The following WDR90 variants were observed in gnomAD, a reference collection of about 807,000 sequenced individuals.
The protein encoded by WDR90 is WD repeat domain 90.
A neutral mutation model predicts 195.2 loss-of-function variants in WDR90; 238 were observed. The observed-to-expected ratio is 1.22, with a 90% CI of 1.10 to 1.36. The LOEUF (loss-of-function observed/expected upper bound fraction) is 1.36, where lower values mean the gene tolerates loss of function less well. Among genes scored for constraint, WDR90 ranks in the 40% most tolerant of loss-of-function variants. The probability of loss-of-function intolerance (pLI) is 0.00; values close to 1 mark genes in which losing one functional copy is unlikely to be tolerated. For missense variants in WDR90, 2,734 were observed against 2,439.5 expected (o/e 1.12, Z -2.54); for synonymous variants, 1,265 against 1,052.4 (o/e 1.20, Z -3.91).
rs1194591365 is a variant in WDR90 at position 655,859 on chromosome 16, C to T, written c.1936C>T (p.Leu646=). ...SEDGFLRLWP[L]DFSSVLLEAE... The stretch of plus-strand genomic sequence containing the variant: ...GGACGGCTTCTTGCGGCTCTGGCCC[C>T]TGGACTTCTCCTCGGTGCTCCTGGA... Residue 646 remains leucine, a synonymous_variant, in exon 17 of 41, where the codon CTG becomes TTG. Coordinates refer to ENST00000293879, the MANE Select transcript of WDR90 (RefSeq NM_145294.5). The T allele has an allele frequency of 1.9e-6, 3 of 1,598,942 alleles. No homozygotes were observed. The highest frequency in any genetic ancestry group is 2.6e-6 in the Non-Finnish European group (3 of 1,175,282).
intron 34 of WDR90, 152 bp downstream of exon 34, chr16:662,996 G>T (rs983056155): frequency 8.4e-7 from 1 of 1,188,174 alleles, no homozygotes; most frequent in Admixed American, 2.0e-5. Context: ...GGAAGTCTTG[G>T]GTGTGCACGT....
At chr16:651,142 TG>T in intron 6 of WDR90, 39 bp downstream of exon 6, 1 of 1,178,980 alleles carries the variant, frequency 8.5e-7, no homozygotes, top group Non-Finnish European at 1.2e-6. Flanking sequence ...GCCTCGGTGG[TG>T]GGAGGGTGGG....
At chr16:649,364 T>C, upstream of WDR90, 3 of 1,326,476 alleles carry the variant, frequency 2.3e-6, no homozygotes, top group South Asian at 1.9e-5. Flanking sequence ...TCGCGGGGCG[T>C]ACTCTGCGCT....
chr16:657,209 C>A lies in WDR90; in HGVS notation c.2461C>A (p.Leu821Ile), dbSNP rs758390758. Reference protein sequence around the residue: ...YSCADPQWHVLRVAADMVCPD... With the variant: ...YSCADPQWHVIRVAADMVCPD... Reference sequence around the variant, plus strand: ...CTGTGCGGACCCCCAGTGGCATGTCCTCCGAGTGGCAGGTTGGGCCCCCTG... The same window carrying A: ...CTGTGCGGACCCCCAGTGGCATGTCATCCGAGTGGCAGGTTGGGCCCCCTG... Residue 821 changes from leucine to isoleucine, a missense_variant, in exon 20 of 41, where the codon CTC (leucine) becomes ATC (isoleucine). Transcript: ENST00000293879. 7 of 1,548,974 alleles carry A rather than the reference C, an allele frequency of 4.5e-6. No individual in the cohort carries two copies. The highest frequency in any genetic ancestry group is 6.1e-6 in the Non-Finnish European group (7 of 1,145,954).
chr16:652,015 C>G lies in WDR90; in HGVS notation c.1029C>G (p.Pro343=), dbSNP rs139328138. Residue 343 remains proline, a synonymous_variant, in exon 9 of 41, where the codon CCC becomes CCG. Transcript: ENST00000293879. ...HVLTHESAEV[P]VARTGSCEGF... ...TGACTCACGAGTCGGCTGAGGTGCC[C>G]GTGGCCCGCACCGGCTCCTGCGAAG... The G allele has an allele frequency of 6.2e-7, 1 of 1,600,798 alleles. No individual in the cohort carries two copies. The highest frequency in any genetic ancestry group is 8.5e-7 in the Non-Finnish European group (1 of 1,175,386).
At chr16:655,198 G>A (rs1039317861) in intron 14 of WDR90, 51 bp downstream of exon 14, 4 of 1,611,898 alleles carry the variant, frequency 2.5e-6, no homozygotes, top group Admixed American at 1.7e-5. Flanking sequence ...GGCCCGGAGT[G>A]GGGGCCGAGG....
rs770932716 is a variant in WDR90, at chr16:658,302, A to C, written c.2724A>C (p.Arg908Ser). ...TGCTGGTGTCCACCTCGTCCAACAGAGTCGTGGTGCTGGATGCTGTGTCGG... is the reference window on the plus strand; with the variant it reads ...TGCTGGTGTCCACCTCGTCCAACAGCGTCGTGGTGCTGGATGCTGTGTCGG... ...GHLLVSTSSN[R>S]VVVLDAVSGR... The change falls in exon 22 of 41, where the codon AGA (arginine) becomes AGC (serine). Residue 908 changes from arginine (R) to serine (S), a missense_variant. Arg to Ser is a moderately radical substitution (Grantham distance 110, BLOSUM62 -1). Coordinates refer to ENST00000293879, the MANE Select transcript of WDR90 (RefSeq NM_145294.5). 23 of 1,612,420 alleles carry C rather than the reference A, an allele frequency of 1.4e-5. No individual in the cohort carries two copies. The highest frequency in any genetic ancestry group is 1.9e-5 in the Non-Finnish European group (23 of 1,179,870).
rs960118817 is a variant in WDR90 at position 650,965 on chromosome 16, C to T, written c.560-30C>T. 28 of 1,609,842 alleles carry T rather than the reference C, an allele frequency of 1.7e-5. No individual in the cohort carries two copies. The African/African-American group carries it at 3.1e-4, about 18-fold the overall frequency. ...GTGTTCAGGTGGCTAAACAGCCTCCCTTGACCTGGAACAACCCTGCTCCTT... is the reference window on the plus strand; with the variant it reads ...GTGTTCAGGTGGCTAAACAGCCTCCTTTGACCTGGAACAACCCTGCTCCTT... On this transcript the variant is annotated intron_variant, in intron 5 of 40. Coordinates refer to ENST00000293879, the MANE Select transcript of WDR90 (RefSeq NM_145294.5).
intron 5 of WDR90, 74 bp from the exon 6 acceptor site, chr16:650,921 G>T: frequency 1.9e-6 from 3 of 1,559,544 alleles, no homozygotes; most frequent in Non-Finnish European, 2.6e-6. Context: ...TGGCGTGGCA[G>T]TGCCTTGGCG....
chr16:655,186 T>G (rs1389826241), intron 14 of WDR90, 39 bp downstream of exon 14: 2 of 1,612,254 alleles, frequency 1.2e-6, no homozygotes, highest in Non-Finnish European at 8.5e-7. Flanking sequence ...GGAGAGGGTC[T>G]GGGCCCGGAG....
rs770183479 is a variant in WDR90, at chr16:661,007, CCCCCCCCCG to C, written c.3392-43_3392-35del. ...CTCCCCAGGCCCCTCCCCGCCCCCC[CCCCCCCCCG>C]GCCCGGCCTCAGGCCCCGCCCTCTC... On this transcript the variant is annotated intron_variant, in intron 28 of 40. Transcript: ENST00000293879. 138 of 137,666 alleles carry C rather than the reference CCCCCCCCCG, an allele frequency of 1.0e-3. 14 individuals carry two copies. The highest frequency in any genetic ancestry group is 3.4e-3 in the East Asian group (10 of 2,934). 8.5% of individuals were successfully genotyped at this position (137,666 alleles called of 1,614,324 possible). A position where few individuals can be genotyped will look rare whatever the true frequency, so the allele number is the denominator to read the frequency against.
chr16:649,721 G>C, intron 1 of WDR90, 42 bp from the exon 2 acceptor site: 1 of 1,530,462 alleles, frequency 6.5e-7, no homozygotes, highest in Non-Finnish European at 8.8e-7. Flanking sequence ...GCCCCGGCTC[G>C]CGTGGCCGAG....
chr16:659,602 C>A (rs1298830467), intron 26 of WDR90, among the ~76,000 whole-genome samples: 1 of 152,186 alleles, frequency 6.6e-6, no homozygotes, highest in South Asian at 2.1e-4. Flanking sequence ...TTCCTCTCCC[C>A]CTTGGCCCCA....
At chr16:665,592 G>C (rs765386925) in intron 34 of WDR90, 87 bp from the exon 35 acceptor site, 1 of 1,602,786 alleles carries the variant, frequency 6.2e-7, no homozygotes, top group Non-Finnish European at 8.5e-7. Flanking sequence ...TGGACAGCCC[G>C]GCCCTGGGGG....
Position 662,302 on chromosome 16 carries a change from G to A in WDR90, c.4116G>A (p.Ser1372=), listed in dbSNP as rs775936202. 18 of 1,575,352 alleles carry A rather than the reference G, an allele frequency of 1.1e-5. No individual in the cohort carries two copies. The highest frequency in any genetic ancestry group is 2.3e-5 in the East Asian group (1 of 43,090). Residue 1372 remains serine (S), a synonymous_variant, in exon 33 of 41, where the codon TCG becomes TCA. Coordinates refer to ENST00000293879, the MANE Select transcript of WDR90 (RefSeq NM_145294.5). ...RLRLWAVGAV[S]ELRCKGSGAS... Reference sequence around the variant, plus strand: ...GCCTGTGGGCCGTGGGGGCTGTGTCGGAGCTGAGGTGCAAGGGCTCAGGCG... The same window carrying A: ...GCCTGTGGGCCGTGGGGGCTGTGTCAGAGCTGAGGTGCAAGGGCTCAGGCG...
In WDR90 at chr16:666,535, C is replaced by T. The variant is rs1313311909; in HGVS notation, c.4821C>T (p.Asp1607=). The T allele has an allele frequency of 6.2e-7, 1 of 1,612,660 alleles. No homozygotes were observed. Among genetic ancestry groups the T allele is most frequent in the Non-Finnish European group, 8.5e-7 (1 of 1,179,984 alleles). ...GDQRVSVWAS[D]WLRNHCELVD... ...AGCGGGTCAGCGTCTGGGCCTCCGA[C>T]TGGCTGCGGAACCACTGTGAGCTTG... is the stretch of plus-strand genomic sequence containing the variant. The change falls in exon 38 of 41, where the codon GAC becomes GAT. Residue 1607 remains aspartate, a synonymous_variant. Coordinates refer to ENST00000293879, the MANE Select transcript of WDR90 (RefSeq NM_145294.5).
chr16:661,829 G>A lies in WDR90; in HGVS notation c.3864+42G>A, dbSNP rs371269589. 5.0e-5 allele frequency: 79 copies of A among 1,587,312 alleles called. No homozygotes were observed. The Middle Eastern group carries it at 6.7e-4, about 13-fold the overall frequency. ...GTTTGGGCCCAGGGGTTGTTTTGTG[G>A]GGTGGAATCTGCCTGGGCCCCGGGA... On this transcript the variant is annotated intron_variant, in intron 31 of 40. Coordinates refer to ENST00000293879, the MANE Select transcript of WDR90 (RefSeq NM_145294.5).
intron 23 of WDR90, 45 bp downstream of exon 23, chr16:658,698 C>T: frequency 1.3e-6 from 2 of 1,592,120 alleles, no homozygotes; most frequent in Non-Finnish European, 1.7e-6. Flanking sequence ...CAGGAGCCTC[C>T]TCAGGTGGCC....
At chr16:655,266 C>T (rs576236476) in intron 14 of WDR90, 41 bp from the exon 15 acceptor site, 54 of 1,610,414 alleles carry the variant, frequency 3.4e-5, no homozygotes, top group Middle Eastern at 1.6e-4. Flanking sequence ...TGGGTCAGGG[C>T]GCTGCGAGCT....
Sources: allele counts gnomAD v4.1 joint callset (sites outside exome capture counted in the v4.1 genomes callset), GRCh38; gene constraint gnomAD v4.1.1; transcripts MANE v1.5; gene names NCBI Gene and HGNC (gene_info 2026-07-23, HGNC 2026-07-21).